PLEKHH1: variants seen among roughly 807,000 people sequenced by gnomAD.
PLEKHH1 encodes the protein pleckstrin homology domain-containing family H member 1.
Under a neutral mutation model 160.0 loss-of-function variants are expected in PLEKHH1, and 104 were observed. The ratio of observed to expected loss-of-function variants is 0.65; its 90% CI spans 0.55 to 0.76. The LOEUF is 0.76. Among genes scored for constraint, PLEKHH1 ranks in the 30% least tolerant of loss-of-function variants. The probability of loss-of-function intolerance (pLI) is 0.00; values close to 1 mark genes in which losing one functional copy is unlikely to be tolerated. For missense variants in PLEKHH1, 1,427 were observed against 1,724.1 expected (o/e 0.83, Z 3.05); for synonymous variants, 619 against 678.4 (o/e 0.91, Z 1.36).
At position 67,574,917 on chromosome 14, in the gene PLEKHH1, G is replaced by A. The variant is rs191796150; in HGVS notation, c.2089-475G>A. Among the ~76,000 whole-genome samples the A allele has an allele frequency of 4.3e-4, 66 of 152,314 alleles. No individual in the cohort carries two copies. The highest frequency in any genetic ancestry group is 2.0e-3 in the Admixed American group (31 of 15,302). The stretch of plus-strand genomic sequence containing the variant: ...ACACCAGCAGGAACCAAAGCGACTT[G>A]CACTCAGCAAGCTCAGGGCTGGCAG... On this transcript the variant is annotated intron_variant, in intron 14 of 28. Transcript: ENST00000329153. This position sits in a 1 kb window ranked among gnomAD's most constrained non-coding sequence, Gnocchi z 4.2.
intron 2 of PLEKHH1, among the ~76,000 whole-genome samples, chr14:67,547,342 T>C (rs888673047): frequency 8.5e-5 from 13 of 152,210 alleles, no homozygotes; most frequent in African/African-American, 2.4e-5. Context: ...ATGTCAGGAT[T>C]GTGTCTGTCC....
intron 7 of PLEKHH1, among the ~76,000 whole-genome samples, chr14:67,567,702 C>T (rs2140444538): frequency 6.6e-6 from 1 of 152,228 alleles, no homozygotes; most frequent in African/African-American, 2.4e-5. Flanking sequence ...CTGCTGCTCC[C>T]CTCTGGGATG....
chr14:67,555,708 G>A (rs1324094497), intron 2 of PLEKHH1, 117 bp from the exon 3 acceptor site: 85 of 1,446,578 alleles, frequency 5.9e-5, no homozygotes, highest in Non-Finnish European at 7.8e-5. Context: ...CACTTGAGAT[G>A]GGCACTTGAA....
chr14:67,550,193 A>G (rs1594751752), intron 2 of PLEKHH1, among the ~76,000 whole-genome samples: 1 of 150,026 alleles, frequency 6.7e-6, no homozygotes, highest in Non-Finnish European at 1.5e-5. Flanking sequence ...TTGTCTTTAT[A>G]TTTTTTATTT....
In PLEKHH1 at chr14:67,582,343, T is replaced by G; in HGVS notation, c.3426+133T>G. 2.0e-6 allele frequency: 3 copies of G among 1,477,912 alleles called. No homozygotes were observed. Among genetic ancestry groups the G allele is most frequent in the Non-Finnish European group, 2.8e-6 (3 of 1,086,324 alleles). 91.5% of individuals were successfully genotyped at this position (1,477,912 alleles called of 1,614,324 possible). A position where few individuals can be genotyped will look rare whatever the true frequency, so the allele number is the denominator to read the frequency against. On this transcript the variant is annotated intron_variant, in intron 24 of 28. Transcript: ENST00000329153. This position sits in a 1 kb window ranked among gnomAD's most constrained non-coding sequence, Gnocchi z 5.0. ...GAGGGCAGCTTTGCCATCTCTGGGA[T>G]GGAAAGCAGCTGACTTCTACAGATC...
At chr14:67,580,579 A>G (rs964444040) in intron 22 of PLEKHH1, among the ~76,000 whole-genome samples, 2 of 152,212 alleles carry the variant, frequency 1.3e-5, no homozygotes, top group Admixed American at 6.5e-5. Context: ...GCTTTGTTAC[A>G]TGGTAGCCCT....
In PLEKHH1 at chr14:67,573,125, G is replaced by C; in HGVS notation, c.1729-151G>C. On this transcript the variant is annotated intron_variant, in intron 11 of 28. Coordinates refer to ENST00000329153, the MANE Select transcript of PLEKHH1 (RefSeq NM_020715.3). This position sits in a 1 kb window ranked among gnomAD's most constrained non-coding sequence, Gnocchi z 4.8. The stretch of plus-strand genomic sequence containing the variant: ...TCCTCTCTGAACCATAGCAGGGCAT[G>C]GTACTCTGAAAATACACTGAGTAGG... 1 of 600,704 alleles carries C rather than the reference G, an allele frequency of 1.7e-6. No individual in the cohort carries two copies. 37.2% of individuals were successfully genotyped at this position (600,704 alleles called of 1,614,324 possible). A position where few individuals can be genotyped will look rare whatever the true frequency, so the allele number is the denominator to read the frequency against.
rs1442563189 is a variant in PLEKHH1, at chr14:67,569,997, C to T, written c.1419C>T (p.Tyr473=). The T allele has an allele frequency of 1.9e-6, 3 of 1,599,590 alleles. No homozygotes were observed. The highest frequency in any genetic ancestry group is 2.6e-6 in the Non-Finnish European group (3 of 1,170,190). ...LVYKNVTVPV[Y]TALKGRATQI... is the part of the protein sequence containing the mutation. The stretch of plus-strand genomic sequence containing the variant: ...ACAAGAATGTCACTGTGCCTGTCTA[C>T]ACAGCACTGAAGGGGGTAAGAAACT... The change falls in exon 9 of 29, where the codon TAC becomes TAT. Residue 473 remains tyrosine, a synonymous_variant. Coordinates refer to ENST00000329153, the MANE Select transcript of PLEKHH1 (RefSeq NM_020715.3).
rs1250514885 is a variant in PLEKHH1 at position 67,576,656 on chromosome 14, C to G, written c.2461+153C>G. 6.6e-6 allele frequency among the ~76,000 whole-genome samples: 1 copy of G among 152,178 alleles called. No individual in the cohort carries two copies. Among genetic ancestry groups the G allele is most frequent in the African/African-American group, 2.4e-5 (1 of 41,430 alleles). On this transcript the variant is annotated intron_variant, in intron 17 of 28. Transcript: ENST00000329153. This position sits in a 1 kb window ranked among gnomAD's most constrained non-coding sequence, Gnocchi z 4.0. ...AGTTCCCATCCAAGCTCCAGGGCCC[C>G]TCTGTCTCCGGCTGAGATACTAAGG...
In PLEKHH1 at chr14:67,562,643, G is replaced by A; in HGVS notation, c.1012G>A (p.Gly338Ser). 1 of 1,613,072 alleles carries A rather than the reference G, an allele frequency of 6.2e-7. No individual in the cohort carries two copies. The highest frequency in any genetic ancestry group is 1.1e-5 in the South Asian group (1 of 90,838). Residue 338 changes from glycine to serine, a missense_variant, in exon 7 of 29, where the codon GGC becomes AGC. Transcript: ENST00000329153. The part of the protein sequence containing the change: ...AKRHHSQPQV[G>S]HGHFGRVVNI... ...AAGGCACCACAGCCAGCCCCAGGTG[G>A]GCCATGGGCACTTTGGCCGTGTGGT...
In PLEKHH1 at chr14:67,541,871, G is replaced by T; in HGVS notation, c.4G>T (p.Ala2Ser). M[A>S]ELKVEAPASV... is the part of the protein sequence containing the mutation. ...TAATCCAGAAGTCGATTCCATCATG[G>T]CAGAACTCAAGGTGGAGGCGCCGGC... The change falls in exon 2 of 29, where the codon GCA (alanine) becomes TCA (serine). Residue 2 changes from alanine (A) to serine (S), a missense_variant. By Grantham distance (99) the Ala-to-Ser change is moderately conservative. Coordinates refer to ENST00000329153, the MANE Select transcript of PLEKHH1 (RefSeq NM_020715.3). The T allele has an allele frequency of 6.3e-7, 1 of 1,599,510 alleles. No homozygotes were observed. Among genetic ancestry groups the T allele is most frequent in the South Asian group, 1.1e-5 (1 of 88,160 alleles).
intron 4 of PLEKHH1, among the ~76,000 whole-genome samples, chr14:67,558,173 T>C (rs1443505769): frequency 6.6e-6 from 1 of 152,194 alleles, no homozygotes; most frequent in Non-Finnish European, 1.5e-5. Context: ...TCCATCCCAG[T>C]TCTGTCCCTT....
rs575875021 is a variant in PLEKHH1, at chr14:67,574,498, C to A, written c.2088+95C>A. ...CGAGGGTGGTGGGTTCCCCCTTATA[C>A]GGGGCTCCTTTCTCTGGGAGCCTCC... On this transcript the variant is annotated intron_variant, in intron 14 of 28. Coordinates refer to ENST00000329153, the MANE Select transcript of PLEKHH1 (RefSeq NM_020715.3). The surrounding 1 kb of genome is among the most constrained non-coding windows in gnomAD (Gnocchi z 4.2). 4 of 1,015,256 alleles carry A rather than the reference C, an allele frequency of 3.9e-6. No homozygotes were observed. The highest frequency in any genetic ancestry group is 1.6e-5 in the African/African-American group (1 of 61,162). 62.9% of individuals were successfully genotyped at this position (1,015,256 alleles called of 1,614,324 possible). A position where few individuals can be genotyped will look rare whatever the true frequency, so the allele number is the denominator to read the frequency against.
intron 15 of PLEKHH1, 151 bp downstream of exon 15, chr14:67,575,623 G>A: frequency 1.4e-6 from 1 of 718,572 alleles, no homozygotes. Context: ...GTGAGATTCT[G>A]CCTGTCTGGG....
intron 2 of PLEKHH1, among the ~76,000 whole-genome samples, chr14:67,551,912 G>A (rs554609628): frequency 6.6e-6 from 1 of 152,114 alleles, no homozygotes; most frequent in African/African-American, 2.4e-5. Context: ...TTCTCAAAGG[G>A]ATCATTGAGA....
intron 5 of PLEKHH1, among the ~76,000 whole-genome samples, chr14:67,560,752 C>G (rs1198449918): frequency 1.7e-5 from 2 of 117,620 alleles, no homozygotes; most frequent in East Asian, 4.5e-4. Context: ...TTTTTTGAGA[C>G]GGAGTCTCGC....
intron 9 of PLEKHH1, chr14:67,571,506 A>G (rs2035372377): frequency 2.3e-6 from 1 of 427,362 alleles, no homozygotes; most frequent in African/African-American, 1.9e-5. Flanking sequence ...GCAGGCATTC[A>G]GTCGTGATGG....
rs754004834 is a variant in PLEKHH1 at position 67,575,404 on chromosome 14, C to T, written c.2101C>T (p.His701Tyr). ...KGWLTKVKHG[H>Y]SKVVWCALVG... ...TTCTGTCTTACAGGTAAAGCATGGC[C>T]ACTCCAAGGTGGTCTGGTGCGCTCT... Residue 701 changes from histidine to tyrosine, a missense_variant, in exon 15 of 29, where the codon CAC becomes TAC. By Grantham distance (83) the His-to-Tyr change is moderately conservative (BLOSUM62 2). Around this residue, in one of 6 missense-constraint regions of PLEKHH1, gnomAD observed 831 missense variants for 929.2 expected, o/e 0.89. Transcript: ENST00000329153. 7 of 1,604,830 alleles carry T rather than the reference C, an allele frequency of 4.4e-6. No individual in the cohort carries two copies. The African/African-American group carries it at 8.0e-5, about 18-fold the overall frequency.
rs1467854592 is a variant in PLEKHH1, at chr14:67,545,789, AC to A, written c.126+3797del. ...CTCAAAAATCAGCATTGAATAAAAA[AC>A]ATCTGAAGGATATATACAGCATCAT... On this transcript the variant is annotated intron_variant, in intron 2 of 28. Coordinates refer to ENST00000329153, the MANE Select transcript of PLEKHH1 (RefSeq NM_020715.3). 2.0e-5 allele frequency among the ~76,000 whole-genome samples: 3 copies of A among 152,364 alleles called. No individual in the cohort carries two copies. The South Asian group carries it at 6.2e-4, about 32-fold the overall frequency.
Sources: allele counts gnomAD v4.1 joint callset (sites outside exome capture counted in the v4.1 genomes callset), GRCh38; gene constraint gnomAD v4.1.1; regional missense constraint gnomAD v4.1.1; non-coding constraint Gnocchi (gnomAD v3.1); transcripts MANE v1.5; gene names NCBI Gene and HGNC (gene_info 2026-07-23, HGNC 2026-07-21).